Variants in PDE8B observed in about 807,000 individuals in gnomAD.
PDE8B encodes high affinity cAMP-specific and IBMX-insensitive 3',5'-cyclic phosphodiesterase 8B.
PDE8B carries 26 observed loss-of-function variants against 101.3 expected under a neutral mutation model. The ratio of observed to expected loss-of-function variants is 0.26; its 90% confidence interval spans 0.19 to 0.36. The LOEUF is 0.36. PDE8B is among the 10% of genes least tolerant of loss of function. The pLI, the probability that PDE8B is intolerant of heterozygous loss-of-function variation, is 1.00. For missense variants in PDE8B, 810 were observed against 1,163.1 expected (o/e 0.70, Z 4.42); for synonymous variants, 424 against 429.3 (o/e 0.99, Z 0.15).
intron 1 of PDE8B, among the ~76,000 whole-genome samples, chr5:77,280,770 G>A (rs1011295970): frequency 6.6e-6 from 1 of 152,186 alleles, no homozygotes; most frequent in African/African-American, 2.4e-5. Context: ...GGTGGCACAT[G>A]CCTGTAATCC....
rs565799586 is a variant in PDE8B at position 77,391,639 on chromosome 5, C to T, written c.1168-8609C>T. Among the ~76,000 whole-genome samples, 9 of 152,322 alleles carry T rather than the reference C, an allele frequency of 5.9e-5. No homozygotes were observed. The East Asian group carries it at 1.4e-3, about 23-fold the overall frequency. The stretch of plus-strand genomic sequence containing the variant: ...CCCAAAGCAGGATGTGCATGTGCAC[C>T]TGCTGGCCTTGGGCTTTATCTGGCT... On this transcript the variant is annotated intron_variant, in intron 10 of 21. Transcript: ENST00000264917.
At position 77,211,225 on chromosome 5, in the gene PDE8B, C is replaced by T; in HGVS notation, c.300C>T (p.Ser100=). 2.5e-6 allele frequency: 4 copies of T among 1,573,170 alleles called. No individual in the cohort carries two copies. Among genetic ancestry groups the T allele is most frequent in the Non-Finnish European group, 3.4e-6 (4 of 1,167,944 alleles). The change falls in exon 1 of 22, where the codon AGC becomes AGT. Residue 100 remains serine (S), a synonymous_variant. Transcript: ENST00000264917. This position sits in a 1 kb window ranked among gnomAD's most constrained non-coding sequence, Gnocchi z 4.1. ...GCCGGAGGCGCCACTGCTGCAGCAG[C>T]GCCGAGGCCGAGACTCAGACCTGCT... ...SRGRRRHCCS[S]AEAETQTCYT... is the part of the protein sequence containing the mutation.
At chr5:77,314,802 C>G (rs1459611445) in intron 2 of PDE8B, among the ~76,000 whole-genome samples, 1 of 151,942 alleles carries the variant, frequency 6.6e-6, no homozygotes, top group Admixed American at 6.6e-5. Flanking sequence ...ACACTCTTAC[C>G]AGCAATATGA....
chr5:77,187,439 A>G, the PDE8B span, among the ~76,000 whole-genome samples: 1 of 152,224 alleles, frequency 6.6e-6, no homozygotes, highest in African/African-American at 2.4e-5. Flanking sequence ...TCAAGTAACT[A>G]AACTGAAGCC....
intron 1 of PDE8B, among the ~76,000 whole-genome samples, chr5:77,243,878 C>G (rs536738304): frequency 6.6e-6 from 1 of 152,280 alleles, no homozygotes; most frequent in East Asian, 1.9e-4. Flanking sequence ...AGAGTGAAGT[C>G]AGGGTTGTAT....
At chr5:77,426,028 C>T (rs947788374) in intron 21 of PDE8B, 132 bp downstream of exon 21, 5 of 855,846 alleles carry the variant, frequency 5.8e-6, no homozygotes, top group Non-Finnish European at 9.5e-6. Flanking sequence ...TTTTTGTGGC[C>T]AAGTGGGGTG....
chr5:77,180,221 C>T, the PDE8B span, among the ~76,000 whole-genome samples: 1 of 152,190 alleles, frequency 6.6e-6, no homozygotes, highest in African/African-American at 2.4e-5. Context: ...CTCCACACCC[C>T]GGGAGGGGCG....
intron 1 of PDE8B, among the ~76,000 whole-genome samples, chr5:77,300,575 A>G (rs972611813): frequency 2.0e-5 from 3 of 152,190 alleles, no homozygotes; most frequent in African/African-American, 7.2e-5. Context: ...AATACAAGGA[A>G]GAAATATAGT....
At chr5:77,412,340 A>G in intron 16 of PDE8B, 105 bp downstream of exon 16, 1 of 1,169,858 alleles carries the variant, frequency 8.5e-7, no homozygotes, top group Non-Finnish European at 1.3e-6. Context: ...GAGAGACCTC[A>G]CGGGTTCTGG....
chr5:77,411,599 T>C, intron 14 of PDE8B, 77 bp from the exon 15 acceptor site: 5 of 1,214,898 alleles, frequency 4.1e-6, no homozygotes, highest in Non-Finnish European at 4.8e-6. Context: ...TCAAATCTCT[T>C]TCACTAATAA....
At chr5:77,130,527 C>A in the PDE8B span, among the ~76,000 whole-genome samples, 23 of 152,258 alleles carry the variant, frequency 1.5e-4, 1 homozygote, top group Admixed American at 1.5e-3. Context: ...ATTTATTTAA[C>A]CCTCATGACA....
At chr5:77,299,051 G>C (rs1232420521) in intron 1 of PDE8B, among the ~76,000 whole-genome samples, 1 of 152,190 alleles carries the variant, frequency 6.6e-6, no homozygotes, top group African/African-American at 2.4e-5. Context: ...GGATGCACTT[G>C]TAGCTTTGTA....
the PDE8B span, chr5:77,147,001 A>G: frequency 2.1e-6 from 1 of 471,210 alleles, no homozygotes; most frequent in South Asian, 1.6e-5. Flanking sequence ...AAGCAGCCTT[A>G]TGAAAAGAAG....
the PDE8B span, among the ~76,000 whole-genome samples, chr5:77,170,181 G>A: frequency 6.6e-6 from 1 of 152,194 alleles, no homozygotes; most frequent in African/African-American, 2.4e-5. Flanking sequence ...AAATGTCTCA[G>A]GTTTTTAAAC....
intron 1 of PDE8B, among the ~76,000 whole-genome samples, chr5:77,310,510 A>G: frequency 6.6e-6 from 1 of 152,268 alleles, no homozygotes; most frequent in East Asian, 1.9e-4. Flanking sequence ...TCCACACTCA[A>G]CATGAGCCTG....
intron 1 of PDE8B, among the ~76,000 whole-genome samples, chr5:77,229,896 G>A (rs978088756): frequency 6.6e-6 from 1 of 152,212 alleles, no homozygotes; most frequent in African/African-American, 2.4e-5. Context: ...ATGCTGCTAT[G>A]AACATTCTTG....
chr5:77,291,617 T>C, intron 1 of PDE8B: 1 of 1,597,698 alleles, frequency 6.3e-7, no homozygotes, highest in Non-Finnish European at 8.6e-7. Flanking sequence ...GATCAGACTG[T>C]GGCACTGTAA....
At chr5:77,425,705 G>C (rs1186516180) in intron 20 of PDE8B, 62 bp from the exon 21 acceptor site, 1 of 1,551,542 alleles carries the variant, frequency 6.4e-7, no homozygotes, top group Non-Finnish European at 8.9e-7. Context: ...CTGAGAAACA[G>C]GATATTACTG....
In PDE8B at chr5:77,273,801, G is replaced by GTT. The variant is rs58877999; in HGVS notation, c.340-38184_340-38183dup. ...AGAGAACTTCCAGGTAGTTCCATCT[G>GTT]TTTTTTTTTTATTTATTTTTTATTT... On this transcript the variant is annotated intron_variant, in intron 1 of 21. Transcript: ENST00000264917. Among the ~76,000 whole-genome samples, 1,009 of 148,286 alleles carry GTT rather than the reference G, an allele frequency of 6.8e-3. 15 individuals carry two copies. Among genetic ancestry groups the GTT allele is most frequent in the African/African-American group, 0.023 (939 of 40,566 alleles).
Sources: allele counts gnomAD v4.1 joint callset (sites outside exome capture counted in the v4.1 genomes callset), GRCh38; gene constraint gnomAD v4.1.1; non-coding constraint Gnocchi (gnomAD v3.1); transcripts MANE v1.5; gene names NCBI Gene and HGNC (gene_info 2026-07-23, HGNC 2026-07-21).